The following ADAMTSL1 variants were observed in gnomAD, a reference collection of about 807,000 sequenced individuals.
ADAMTSL1 encodes ADAMTS like 1.
ADAMTSL1 carries 126 observed loss-of-function variants against 201.8 expected under a neutral mutation model. The ratio of observed to expected loss-of-function variants is 0.62; its 90% CI spans 0.54 to 0.72. The LOEUF (loss-of-function observed/expected upper bound fraction) is 0.72, where lower values mean the gene tolerates loss of function less well. Ranked by LOEUF, ADAMTSL1 falls within the 30% of genes least tolerant of loss-of-function variation. The pLI, the probability that ADAMTSL1 is intolerant of heterozygous loss-of-function variation, is 0.00. For missense variants in ADAMTSL1, 2,679 were observed against 2,277.8 expected (o/e 1.18, Z -3.59); for synonymous variants, 1,121 against 903.4 (o/e 1.24, Z -4.32).
intron 1 of ADAMTSL1, among the ~76,000 whole-genome samples, chr9:18,058,085 C>T (rs1019088869): frequency 2.2e-4 from 34 of 151,924 alleles, no homozygotes; most frequent in Admixed American, 2.1e-3. Flanking sequence ...TATTTGCTAG[C>T]CAGATAGGTA....
chr9:18,477,805 T>C (rs1239968489), intron 1 of ADAMTSL1, among the ~76,000 whole-genome samples: 1 of 152,202 alleles, frequency 6.6e-6, no homozygotes, highest in East Asian at 1.9e-4. Context: ...CTGTTTTTAG[T>C]GTTTCAGTGT....
At chr9:18,714,571 A>C (rs1486641690) in intron 14 of ADAMTSL1, among the ~76,000 whole-genome samples, 1 of 143,184 alleles carries the variant, frequency 7.0e-6, no homozygotes, top group Non-Finnish European at 1.6e-5. Flanking sequence ...CTGAAGATAG[A>C]CCAATAACAG....
At chr9:18,349,901 G>T (rs1835888928) in intron 2 of ADAMTSL1, among the ~76,000 whole-genome samples, 1 of 150,198 alleles carries the variant, frequency 6.7e-6, no homozygotes, top group Non-Finnish European at 1.5e-5. Context: ...TTTCTATTAG[G>T]TTGGTGCAAA....
chr9:18,777,123 G>A lies in ADAMTSL1; in HGVS notation c.2894G>A (p.Arg965His), dbSNP rs745675169. 4.3e-6 allele frequency: 7 copies of A among 1,612,880 alleles called. No homozygotes were observed. Among genetic ancestry groups the A allele is most frequent in the Admixed American group, 1.7e-5 (1 of 60,008 alleles). ...HFVIKLIGGN[R>H]KLVARPLSPR... ...GTGATTAAGCTCATCGGAGGCAACC[G>A]CAAGCTCGTGGCCCGGCCCTTGAGC... is the stretch of plus-strand genomic sequence containing the variant. The change falls in exon 19 of 29, where the codon CGC (arginine) becomes CAC (histidine). Residue 965 changes from arginine to histidine, a missense_variant. Physicochemically the swap from Arg to His is conservative, Grantham distance 29. Transcript: ENST00000380548.
At chr9:17,961,941 C>CAA (rs1817773410) in intron 1 of ADAMTSL1, among the ~76,000 whole-genome samples, 1 of 152,118 alleles carries the variant, frequency 6.6e-6, no homozygotes, top group Admixed American at 6.6e-5. Flanking sequence ...TCATCTCATC[C>CAA]AAAAACATAG....
intron 26 of ADAMTSL1, among the ~76,000 whole-genome samples, chr9:18,896,119 T>C (rs1212490973): frequency 6.6e-6 from 1 of 152,152 alleles, no homozygotes; most frequent in Non-Finnish European, 1.5e-5. Context: ...AACATATACA[T>C]TTTGAGAGTC....
At position 18,540,844 on chromosome 9, in the gene ADAMTSL1, T is replaced by C. The variant is rs2132153806; in HGVS notation, c.237+7552T>C. ...GAAAGAAATTCTAATTGCAGGAACGTTGATTTCTTCCTAATAAATGTGCCA... is the reference window on the plus strand; with the variant it reads ...GAAAGAAATTCTAATTGCAGGAACGCTGATTTCTTCCTAATAAATGTGCCA... On this transcript the variant is annotated intron_variant, in intron 3 of 28. Coordinates refer to ENST00000380548, the MANE Select transcript of ADAMTSL1 (RefSeq NM_001040272.6). 2.6e-5 allele frequency among the ~76,000 whole-genome samples: 4 copies of C among 152,300 alleles called. No homozygotes were observed. The Middle Eastern group carries it at 0.014, about 518-fold the overall frequency.
rs1470776152 is a variant in ADAMTSL1, at chr9:18,707,149, T to A, written c.1876+101T>A. 12 of 1,409,206 alleles carry A rather than the reference T, an allele frequency of 8.5e-6. No homozygotes were observed. The South Asian group carries it at 1.6e-4, about 18-fold the overall frequency. 87.3% of individuals were successfully genotyped at this position (1,409,206 alleles called of 1,614,324 possible). A position where few individuals can be genotyped will look rare whatever the true frequency, so the allele number is the denominator to read the frequency against. On this transcript the variant is annotated intron_variant, in intron 14 of 28. Coordinates refer to ENST00000380548, the MANE Select transcript of ADAMTSL1 (RefSeq NM_001040272.6). The stretch of plus-strand genomic sequence containing the variant: ...GTGACTGCCTCAAATCCAAGAATGA[T>A]AAGCAGGAGGAGGAGGGGAGGCAGC...
At chr9:17,914,037 C>A (rs1337398509) in intron 1 of ADAMTSL1, among the ~76,000 whole-genome samples, 1 of 152,122 alleles carries the variant, frequency 6.6e-6, no homozygotes, top group Non-Finnish European at 1.5e-5. Context: ...CAATAGCTTA[C>A]CAACCAAAAA....
intron 16 of ADAMTSL1, among the ~76,000 whole-genome samples, chr9:18,758,919 C>G (rs1283027611): frequency 2.0e-5 from 3 of 152,132 alleles, no homozygotes; most frequent in African/African-American, 7.2e-5. Flanking sequence ...CTCTCTATAT[C>G]TAATATATCA....
At chr9:17,922,555 A>C (rs1325212207) in intron 1 of ADAMTSL1, among the ~76,000 whole-genome samples, 1 of 152,026 alleles carries the variant, frequency 6.6e-6, no homozygotes, top group Non-Finnish European at 1.5e-5. Context: ...CACCCACATA[A>C]CCACAGAGGA....
intron 13 of ADAMTSL1, among the ~76,000 whole-genome samples, chr9:18,691,537 T>A (rs1314285814): frequency 6.6e-6 from 1 of 152,230 alleles, no homozygotes; most frequent in Non-Finnish European, 1.5e-5. Flanking sequence ...TAAAATTGAT[T>A]TTTTTCAGAT....
chr9:18,103,716 T>G (rs2131856133), intron 1 of ADAMTSL1, among the ~76,000 whole-genome samples: 1 of 152,312 alleles, frequency 6.6e-6, no homozygotes, highest in East Asian at 1.9e-4. Flanking sequence ...TGAGGAATTT[T>G]TTTGAAGTGA....
chr9:18,249,111 T>A (rs984862506), intron 2 of ADAMTSL1, among the ~76,000 whole-genome samples: 1 of 152,166 alleles, frequency 6.6e-6, no homozygotes, highest in Non-Finnish European at 1.5e-5. Context: ...AGAACCTTGC[T>A]TGGCCACCCC....
chr9:17,909,857 G>A (rs113279873), intron 1 of ADAMTSL1, among the ~76,000 whole-genome samples: 3,624 of 67,646 alleles, frequency 0.054, 954 homozygotes, highest in African/African-American at 0.1. Context: ...GGGAGGGATA[G>A]CATTGGGAGA....
intron 2 of ADAMTSL1, among the ~76,000 whole-genome samples, chr9:18,467,708 G>A (rs973958278): frequency 6.6e-6 from 1 of 152,152 alleles, no homozygotes; most frequent in African/African-American, 2.4e-5. Flanking sequence ...AGAAGGGACA[G>A]GATGAACAAA....
intron 2 of ADAMTSL1, among the ~76,000 whole-genome samples, chr9:18,401,684 C>G (rs1817990709): frequency 6.6e-6 from 1 of 152,054 alleles, no homozygotes; most frequent in African/African-American, 2.4e-5. Context: ...TTCTTGCCTT[C>G]TTTTTTTTAC....
chr9:17,977,723 C>G (rs1028435883), intron 1 of ADAMTSL1, among the ~76,000 whole-genome samples: 10 of 152,074 alleles, frequency 6.6e-5, no homozygotes, highest in African/African-American at 2.4e-4. Flanking sequence ...AACATACAAT[C>G]TATTCTGCAG....
chr9:18,197,668 T>A (rs989164398), intron 2 of ADAMTSL1, among the ~76,000 whole-genome samples: 1 of 150,268 alleles, frequency 6.7e-6, no homozygotes, highest in African/African-American at 2.5e-5. Context: ...GAATACCCTT[T>A]ATTTCCTTCT....
Sources: allele counts gnomAD v4.1 joint callset (sites outside exome capture counted in the v4.1 genomes callset), GRCh38; gene constraint gnomAD v4.1.1; transcripts MANE v1.5; gene names NCBI Gene and HGNC (gene_info 2026-07-23, HGNC 2026-07-21).